ETNK1: variants seen among roughly 807,000 people sequenced by gnomAD.
ETNK1 encodes putative protein product of Nbla10396.
A neutral mutation model predicts 45.1 loss-of-function variants in ETNK1; 8 were observed. That is an observed-to-expected ratio of 0.18 (90% CI 0.10 to 0.32). The LOEUF is 0.32. Ranked by LOEUF, ETNK1 falls within the 10% of genes least tolerant of loss-of-function variation. ETNK1 has a pLI of 1.00. For synonymous variants in ETNK1, 152 were observed against 151.9 expected (o/e 1.00, Z -0.01); for missense variants, 302 against 430.6 (o/e 0.70, Z 2.64).
chr12:22,626,007 C>G (rs1316305323), intron 1 of ETNK1: 1 of 395,296 alleles, frequency 2.5e-6, no homozygotes, highest in Non-Finnish European at 5.0e-6. Flanking sequence ...TTCCTCTCCC[C>G]TCCCCCTGCG....
At chr12:22,682,542 C>T (rs1286690243) in intron 6 of ETNK1, among the ~76,000 whole-genome samples, 2 of 152,030 alleles carry the variant, frequency 1.3e-5, no homozygotes, top group Non-Finnish European at 2.9e-5. Flanking sequence ...ATGCAGTAGA[C>T]GTGCTTTATA....
At chr12:22,663,689 T>C (rs1183303592) in intron 4 of ETNK1, among the ~76,000 whole-genome samples, 1 of 152,176 alleles carries the variant, frequency 6.6e-6, no homozygotes, top group Non-Finnish European at 1.5e-5. Flanking sequence ...ATTATACTTT[T>C]GTGTCTAATT....
rs1315724090 is a variant in ETNK1, at chr12:22,640,440, AATG to A, written c.157-3320_157-3318del. On this transcript the variant is annotated intron_variant, in intron 1 of 7. Coordinates refer to ENST00000266517, the MANE Select transcript of ETNK1 (RefSeq NM_018638.5). ...AGATGTGAAAGAGAATTTGCCCAGA[AATG>A]ATATTTAACATTTAGCTATTTGGAT... Among the ~76,000 whole-genome samples the A allele has an allele frequency of 1.2e-4, 18 of 151,964 alleles. No homozygotes were observed. The South Asian group carries it at 3.1e-3, about 26-fold the overall frequency.
intron 1 of ETNK1, among the ~76,000 whole-genome samples, chr12:22,631,967 A>G (rs1024634621): frequency 2.6e-5 from 4 of 152,178 alleles, no homozygotes; most frequent in Non-Finnish European, 5.9e-5. Flanking sequence ...GTTGTAAAAC[A>G]TATACCCACC....
At chr12:22,673,813 C>G (rs984874288) in intron 6 of ETNK1, among the ~76,000 whole-genome samples, 153 bp downstream of exon 6, 1 of 152,152 alleles carries the variant, frequency 6.6e-6, no homozygotes, top group African/African-American at 2.4e-5. Context: ...ATGCATTACC[C>G]CATTGCATTA....
At chr12:22,682,902 T>C (rs1442007331) in intron 6 of ETNK1, among the ~76,000 whole-genome samples, 16 of 152,204 alleles carry the variant, frequency 1.1e-4, no homozygotes, top group Admixed American at 1.0e-3. Context: ...ATGTAGACTT[T>C]GAAAAGAAGG....
At chr12:22,646,270 T>G (rs1023327074) in intron 2 of ETNK1, among the ~76,000 whole-genome samples, 4 of 151,860 alleles carry the variant, frequency 2.6e-5, no homozygotes, top group Non-Finnish European at 5.9e-5. Flanking sequence ...AAGGCAAGTT[T>G]TGATTAACAA....
At chr12:22,650,488 G>A (rs747773830) in intron 2 of ETNK1, among the ~76,000 whole-genome samples, 3 of 151,864 alleles carry the variant, frequency 2.0e-5, no homozygotes, top group Non-Finnish European at 4.4e-5. Context: ...TTATGATAAT[G>A]AGTGCTAGAT....
rs1343458153 is a variant in ETNK1, at chr12:22,684,483, G to T, written c.946G>T (p.Ala316Ser). ...TTGATTTTTCTTTCCTTCTTTTAAGGCTTCTCATTTCTTTTGGGGATTGTG... is the reference window on the plus strand; with the variant it reads ...TTGATTTTTCTTTCCTTCTTTTAAGTCTTCTCATTTCTTTTGGGGATTGTG... ...LFIQVNQFAL[A>S]SHFFWGLWAL... Residue 316 changes from alanine to serine, a missense_variant and splice_region_variant, in exon 7 of 8, where the codon GCT (alanine) becomes TCT (serine). Around this residue, in one of 3 missense-constraint regions of ETNK1, gnomAD observed 94 missense variants for 152.9 expected, o/e 0.61. Coordinates refer to ENST00000266517, the MANE Select transcript of ETNK1 (RefSeq NM_018638.5). The T allele has an allele frequency of 3.7e-6, 6 of 1,603,846 alleles. No homozygotes were observed. In the East Asian group the frequency reaches 9.0e-5, roughly 24 times the overall value.
Position 22,685,033 on chromosome 12 carries a change from A to G in ETNK1, c.*79A>G, listed in dbSNP as rs778414521. ...TAAGAAATCCCAAAAAGCCAATATT[A>G]GTTAAAATTCTGTTGTTTAATTTGG... On this transcript the variant is annotated 3_prime_UTR_variant, in exon 8 of 8. Transcript: ENST00000266517. 2 of 1,012,686 alleles carry G rather than the reference A, an allele frequency of 2.0e-6. No homozygotes were observed. Among genetic ancestry groups the G allele is most frequent in the Non-Finnish European group, 2.9e-6 (2 of 682,930 alleles). The allele number at this position is 1,012,686 out of a possible 1,614,324, so 62.7% of individuals were successfully genotyped here.
At chr12:22,640,872 A>G (rs1953727245) in intron 1 of ETNK1, among the ~76,000 whole-genome samples, 3 of 152,168 alleles carry the variant, frequency 2.0e-5, no homozygotes, top group Non-Finnish European at 4.4e-5. Flanking sequence ...GATAAACCCC[A>G]TTAAAAGGAG....
intron 2 of ETNK1, among the ~76,000 whole-genome samples, chr12:22,649,166 A>T (rs914945697): frequency 2.0e-5 from 3 of 151,978 alleles, no homozygotes; most frequent in Non-Finnish European, 4.4e-5. Context: ...TCTGTGCTTT[A>T]TCTTTTTATT....
chr12:22,671,795 C>T (rs1484999233), intron 5 of ETNK1, among the ~76,000 whole-genome samples: 2 of 145,936 alleles, frequency 1.4e-5, no homozygotes, highest in Non-Finnish European at 3.0e-5. Flanking sequence ...GCCGAGATCG[C>T]GCTACTGCAC....
At chr12:22,652,021 T>G (rs1412842182) in intron 2 of ETNK1, among the ~76,000 whole-genome samples, 2 of 152,124 alleles carry the variant, frequency 1.3e-5, no homozygotes, top group Admixed American at 6.5e-5. Flanking sequence ...TCTTCTTTCC[T>G]TCCTCCAGCC....
At chr12:22,682,237 A>G (rs1264571476) in intron 6 of ETNK1, 1 of 460,406 alleles carries the variant, frequency 2.2e-6, no homozygotes, top group East Asian at 5.7e-5. Context: ...GAAGCTGTTA[A>G]GCTCACAGAA....
At position 22,644,156 on chromosome 12, in the gene ETNK1, G is replaced by T; in HGVS notation, c.416+134G>T. The T allele has an allele frequency of 3.3e-6, 5 of 1,517,252 alleles. No individual in the cohort carries two copies. The Admixed American group carries it at 6.3e-5, about 19-fold the overall frequency. The allele number at this position is 1,517,252 out of a possible 1,614,324, so 94.0% of individuals were successfully genotyped here. On this transcript the variant is annotated intron_variant, in intron 2 of 7. Coordinates refer to ENST00000266517, the MANE Select transcript of ETNK1 (RefSeq NM_018638.5). ...GAAACTTTCTTTAGCTAGGGTTTTT[G>T]TTTTTGTTCTTGTTTTCCCTAAAAA...
intron 2 of ETNK1, among the ~76,000 whole-genome samples, chr12:22,652,624 A>G (rs11046520): frequency 0.046 from 7,070 of 152,122 alleles, 532 homozygotes; most frequent in African/African-American, 0.16. Flanking sequence ...ATGCTTATTG[A>G]CCATTTGTTT....
intron 1 of ETNK1, among the ~76,000 whole-genome samples, chr12:22,638,226 C>T (rs1366958867): frequency 6.6e-6 from 1 of 151,370 alleles, no homozygotes; most frequent in Non-Finnish European, 1.5e-5. Flanking sequence ...TAACTTTTTT[C>T]CCCCTTTTTA....
intron 6 of ETNK1, among the ~76,000 whole-genome samples, chr12:22,679,702 GTTTTTTT>G (rs71444173): frequency 7.8e-6 from 1 of 128,544 alleles, no homozygotes; most frequent in Non-Finnish European, 1.6e-5. Context: ...TTGGTTTTTT[GTTTTTTT>G]TTTTTTTTTG....
Sources: allele counts gnomAD v4.1 joint callset (sites outside exome capture counted in the v4.1 genomes callset), GRCh38; gene constraint gnomAD v4.1.1; regional missense constraint gnomAD v4.1.1; transcripts MANE v1.5; gene names NCBI Gene and HGNC (gene_info 2026-07-23, HGNC 2026-07-21).